Variants in TMEFF1 observed in about 807,000 individuals in gnomAD.
The protein encoded by TMEFF1 is tomoregulin-1.
A neutral mutation model predicts 47.5 loss-of-function variants in TMEFF1; 20 were observed. The observed-to-expected ratio is 0.42, with a 90% CI of 0.30 to 0.61. The LOEUF is 0.61. Among genes scored for constraint, TMEFF1 ranks in the 20% least tolerant of loss-of-function variants. TMEFF1 has a pLI of 0.19. For synonymous variants in TMEFF1, 162 were observed against 166.3 expected (o/e 0.97, Z 0.20); for missense variants, 411 against 471.1 (o/e 0.87, Z 1.18).
intron 7 of TMEFF1, among the ~76,000 whole-genome samples, chr9:100,551,574 A>G (rs532875766): frequency 1.3e-5 from 2 of 152,334 alleles, no homozygotes; most frequent in East Asian, 3.9e-4. Context: ...TGTGTGTTCT[A>G]AAGCACTTGT....
rs983188265 is a variant in TMEFF1 at position 100,519,712 on chromosome 9, A to C, written c.560+2941A>C. Among the ~76,000 whole-genome samples the C allele has an allele frequency of 4.1e-5, 5 of 121,202 alleles. No homozygotes were observed. The East Asian group carries it at 8.4e-4, about 20-fold the overall frequency. The allele number at this position is 121,202 out of a possible 152,430, so 79.5% of individuals were successfully genotyped here. ...CTGCCCTCTTCATCAGCCTGGTCCC[A>C]GCTGTGATTTCTTTACTTCTGTATT... On this transcript the variant is annotated intron_variant, in intron 5 of 9. Coordinates refer to ENST00000374879, the MANE Select transcript of TMEFF1 (RefSeq NM_003692.5).
chr9:100,534,357 A>G (rs1170997725), intron 5 of TMEFF1, among the ~76,000 whole-genome samples: 1 of 151,936 alleles, frequency 6.6e-6, no homozygotes, highest in Non-Finnish European at 1.5e-5. Flanking sequence ...ATAATTTAGA[A>G]TTGTCAGGGT....
intron 5 of TMEFF1, among the ~76,000 whole-genome samples, chr9:100,534,463 A>G (rs905015470): frequency 2.0e-5 from 3 of 152,148 alleles, no homozygotes; most frequent in Non-Finnish European, 2.9e-5. Flanking sequence ...AGTGATTTCT[A>G]TTCATTTGAG....
intron 7 of TMEFF1, among the ~76,000 whole-genome samples, chr9:100,554,171 C>T (rs949256570): frequency 4.6e-5 from 7 of 152,100 alleles, no homozygotes; most frequent in African/African-American, 1.4e-4. Context: ...CCTGAGATAG[C>T]GAGATAGTGA....
intron 5 of TMEFF1, among the ~76,000 whole-genome samples, chr9:100,531,065 T>C (rs1838367349): frequency 6.6e-6 from 1 of 151,658 alleles, no homozygotes; most frequent in Admixed American, 6.6e-5. Flanking sequence ...CTCAATAAAT[T>C]AGGTATTGAT....
At chr9:100,502,795 A>AT (rs545062359) in intron 2 of TMEFF1, among the ~76,000 whole-genome samples, 1 of 152,174 alleles carries the variant, frequency 6.6e-6, no homozygotes, top group Non-Finnish European at 1.5e-5. Flanking sequence ...AATTCCTTGC[A>AT]TTTTTACCTT....
At chr9:100,508,524 T>C (rs956656544) in intron 2 of TMEFF1, among the ~76,000 whole-genome samples, 1 of 152,040 alleles carries the variant, frequency 6.6e-6, no homozygotes, top group African/African-American at 2.4e-5. Context: ...TATGACTCTC[T>C]GACAAGATTG....
At chr9:100,502,707 A>G (rs1398477165) in intron 2 of TMEFF1, among the ~76,000 whole-genome samples, 2 of 152,190 alleles carry the variant, frequency 1.3e-5, no homozygotes, top group Non-Finnish European at 2.9e-5. Context: ...TGAAACTCTA[A>G]GATTATAAAG....
chr9:100,576,433 G>A, intron 9 of TMEFF1, 83 bp from the exon 10 acceptor site: 2 of 1,533,946 alleles, frequency 1.3e-6, no homozygotes, highest in South Asian at 1.3e-5. Context: ...TGCAAAATGT[G>A]TATTACTTTG....
chr9:100,496,482 C>A (rs1837651701), intron 1 of TMEFF1, among the ~76,000 whole-genome samples: 1 of 152,218 alleles, frequency 6.6e-6, no homozygotes, highest in Non-Finnish European at 1.5e-5. Context: ...TCAGGTGATC[C>A]ACCTGGCTCA....
chr9:100,495,037 GTTT>G (rs1003511049), intron 1 of TMEFF1, among the ~76,000 whole-genome samples: 1 of 151,546 alleles, frequency 6.6e-6, no homozygotes, highest in Non-Finnish European at 1.5e-5. Context: ...AAAATGAGAA[GTTT>G]TTTTTGTTGA....
intron 5 of TMEFF1, among the ~76,000 whole-genome samples, chr9:100,530,457 C>T (rs2118446237): frequency 6.6e-6 from 1 of 152,270 alleles, no homozygotes; most frequent in South Asian, 2.1e-4. Flanking sequence ...ACTACAAACA[C>T]CTCTACGCAA....
At chr9:100,571,120 A>T (rs1372907054) in intron 8 of TMEFF1, among the ~76,000 whole-genome samples, 2 of 152,044 alleles carry the variant, frequency 1.3e-5, no homozygotes, top group Non-Finnish European at 2.9e-5. Context: ...ACTTATTTTC[A>T]TCTTCCCCTT....
Position 100,473,626 on chromosome 9 carries a change from C to A in TMEFF1, c.82C>A (p.Leu28Met), listed in dbSNP as rs1430062629. ...LAFCCYTSVL[L>M]LFAFSLPGSR... ...CTTCTGCTGCTACACGTCGGTGCTT[C>A]TGCTCTTCGCCTTCTCTCTGCCCGG... The change falls in exon 1 of 10, where the codon CTG (leucine) becomes ATG (methionine). Residue 28 changes from leucine to methionine, a missense_variant. Leu to Met is a conservative substitution (Grantham distance 15, BLOSUM62 2). Transcript: ENST00000374879. The surrounding 1 kb of genome is among the most constrained non-coding windows in gnomAD (Gnocchi z 5.4). The A allele has an allele frequency of 6.4e-7, 1 of 1,559,486 alleles. No homozygotes were observed. The highest frequency in any genetic ancestry group is 8.7e-7 in the Non-Finnish European group (1 of 1,152,976).
intron 5 of TMEFF1, among the ~76,000 whole-genome samples, chr9:100,525,403 T>C (rs10819789): frequency 0.24 from 36,802 of 151,716 alleles, 5,053 homozygotes; most frequent in African/African-American, 0.36. Context: ...ACACAGAACT[T>C]GGGAAAGCAC....
chr9:100,493,589 A>G (rs906249078), intron 1 of TMEFF1, among the ~76,000 whole-genome samples: 1 of 152,228 alleles, frequency 6.6e-6, no homozygotes, highest in African/African-American at 2.4e-5. Context: ...CAGATTTGCA[A>G]CAAGAGCAAA....
intron 5 of TMEFF1, among the ~76,000 whole-genome samples, chr9:100,530,249 A>T (rs1838350995): frequency 6.6e-6 from 1 of 152,216 alleles, no homozygotes; most frequent in Non-Finnish European, 1.5e-5. Context: ...AAATCAGAGC[A>T]GAACTGAAGG....
intron 7 of TMEFF1, among the ~76,000 whole-genome samples, chr9:100,556,097 C>CTTA (rs1838908812): frequency 6.6e-6 from 1 of 152,030 alleles, no homozygotes; most frequent in African/African-American, 2.4e-5. Context: ...TTTGGTGAAC[C>CTTA]TTAACACTTG....
chr9:100,526,703 A>C (rs191477134), intron 5 of TMEFF1, among the ~76,000 whole-genome samples: 7 of 152,002 alleles, frequency 4.6e-5, no homozygotes, highest in Admixed American at 4.6e-4. Flanking sequence ...TCTTTTATTC[A>C]TTTGTAGTCA....
Sources: allele counts gnomAD v4.1 joint callset (sites outside exome capture counted in the v4.1 genomes callset), GRCh38; gene constraint gnomAD v4.1.1; non-coding constraint Gnocchi (gnomAD v3.1); transcripts MANE v1.5; gene names NCBI Gene and HGNC (gene_info 2026-07-23, HGNC 2026-07-21).